TM4SF1: variants seen among roughly 807,000 people sequenced by gnomAD.
TM4SF1 encodes transmembrane 4 L6 family member 1.
TM4SF1 carries 20 observed loss-of-function variants against 24.5 expected under a neutral mutation model. That is an observed-to-expected ratio of 0.82 (90% confidence interval 0.57 to 1.19). The LOEUF is 1.19. Ranked by LOEUF, TM4SF1 falls within the 50% of genes most tolerant of loss-of-function variation. The pLI, the probability that TM4SF1 is intolerant of heterozygous loss-of-function variation, is 0.00. For missense variants in TM4SF1, 258 were observed against 248.1 expected, an observed-to-expected ratio of 1.04 and a Z score of -0.27; for synonymous variants, 107 against 95.4, an observed-to-expected ratio of 1.12 and a Z score of -0.71.
chr3:149,372,819 C>T (rs1294028537), intron 3 of TM4SF1, among the ~76,000 whole-genome samples: 2 of 152,080 alleles, frequency 1.3e-5, no homozygotes, highest in Non-Finnish European at 2.9e-5. Flanking sequence ...ATGCTGTGCC[C>T]AAGAGTTGAT....
intron 3 of TM4SF1, among the ~76,000 whole-genome samples, chr3:149,373,375 C>A (rs1234406949): frequency 2.0e-5 from 3 of 152,180 alleles, no homozygotes; most frequent in African/African-American, 7.2e-5. Context: ...GCCTTTGCTA[C>A]AGAGTATTTG....
rs776515206 is a variant in TM4SF1 at position 149,375,574 on chromosome 3, T to C, written c.282A>G (p.Val94=). The change falls in exon 3 of 5, where the codon GTA becomes GTG. Residue 94 remains valine, a synonymous_variant. Transcript: ENST00000305366. ...CTGCAATTCCAATGAGAGCAGCCAA[T>C]ACAGAAGAAAGCATCTAGGGAAAAG... ...CGKRCAMLSS[V]LAALIGIAGS... is the part of the protein sequence containing the mutation. The C allele has an allele frequency of 1.2e-6, 2 of 1,614,114 alleles. No homozygotes were observed. Among genetic ancestry groups the C allele is most frequent in the South Asian group, 2.2e-5 (2 of 91,074 alleles).
At chr3:149,376,377 A>C (rs1396052383) in intron 1 of TM4SF1, among the ~76,000 whole-genome samples, 6 of 152,228 alleles carry the variant, frequency 3.9e-5, no homozygotes, top group Non-Finnish European at 8.8e-5. Context: ...ATAATGCTTA[A>C]ATTTGAGGCA....
rs751292542 is a variant in TM4SF1 at position 149,371,795 on chromosome 3, CAG to C, written c.484_485del (p.Leu162ValfsTer11). On this transcript the variant is annotated frameshift_variant, in exon 4 of 5. Coordinates refer to ENST00000305366, the MANE Select transcript of TM4SF1 (RefSeq NM_014220.3). LOFTEE classifies it high-confidence loss of function. ...PKHIVEWNVS[L>X]FSILLALGGI... ...CACCAAGAGCCAAGAGGATAGAAAA[CAG>C]AGATACATTCCATTCCACAATGTGC... The C allele has an allele frequency of 6.2e-7, 1 of 1,614,018 alleles. No individual in the cohort carries two copies. The highest frequency in any genetic ancestry group is 2.2e-5 in the East Asian group (1 of 44,892).
Position 149,370,211 on chromosome 3 carries a change from A to G in TM4SF1, c.595-331T>C, listed in dbSNP as rs193146069. 19 of 226,118 alleles carry G rather than the reference A, an allele frequency of 8.4e-5. No homozygotes were observed. In the East Asian group the frequency reaches 2.7e-3, roughly 32 times the overall value. The allele number at this position is 226,118 out of a possible 1,614,324, so 14.0% of individuals were successfully genotyped here. A position where few individuals can be genotyped will look rare whatever the true frequency, so the allele number is the denominator to read the frequency against. ...GGAAGTTTCACACTGGTATGAGCTC[A>G]ATGTGGGTAACCTTTCAAATTAAAT... On this transcript the variant is annotated intron_variant, in intron 4 of 4. Coordinates refer to ENST00000305366, the MANE Select transcript of TM4SF1 (RefSeq NM_014220.3).
intron 3 of TM4SF1, 37 bp from the exon 4 acceptor site, chr3:149,371,904 T>C: frequency 6.3e-7 from 1 of 1,596,992 alleles, no homozygotes; most frequent in Non-Finnish European, 8.6e-7. Flanking sequence ...CACACGGTCA[T>C]ACTTGAGGGG....
intron 3 of TM4SF1, among the ~76,000 whole-genome samples, chr3:149,375,129 C>T (rs552439823): frequency 6.6e-6 from 1 of 152,078 alleles, no homozygotes; most frequent in East Asian, 1.9e-4. Flanking sequence ...TGCTTGAGCT[C>T]AGGAGTTAGA....
chr3:149,369,879 T>G lies in TM4SF1; in HGVS notation c.596A>C (p.Gln199Pro). 1.2e-6 allele frequency: 2 copies of G among 1,603,612 alleles called. No individual in the cohort carries two copies. The highest frequency in any genetic ancestry group is 2.2e-5 in the East Asian group (1 of 44,776). The change falls in exon 5 of 5, where the codon CAA becomes CCA. Residue 199 changes from glutamine to proline, a missense_variant and splice_region_variant. Coordinates refer to ENST00000305366, the MANE Select transcript of TM4SF1 (RefSeq NM_014220.3). ...ICGFCCSHQQQYDC is the reference protein window; with the variant it reads ...ICGFCCSHQQPYDC Reference sequence around the variant, plus strand: ...GGGTTGGTTCTTTTAGCAGTCATATTGCTGTAGAGAAAATAAAATACCATT... The same window carrying G: ...GGGTTGGTTCTTTTAGCAGTCATATGGCTGTAGAGAAAATAAAATACCATT...
chr3:149,374,336 C>T (rs1396926885), intron 3 of TM4SF1, among the ~76,000 whole-genome samples: 1 of 152,164 alleles, frequency 6.6e-6, no homozygotes, highest in African/African-American at 2.4e-5. Context: ...TATATCCTCA[C>T]TACATGCTTT....
chr3:149,377,514 G>A lies in TM4SF1; in HGVS notation c.34C>T (p.His12Tyr). 1 of 1,614,032 alleles carries A rather than the reference G, an allele frequency of 6.2e-7. No homozygotes were observed. The highest frequency in any genetic ancestry group is 1.1e-5 in the South Asian group (1 of 91,068). ...AGGAGGGCGAGCCCCACCAGAGAAT[G>A]TCCGATGCATCGTGCACACTTCCCA... ...CYGKCARCIG[H>Y]SLVGLALLCI... is the part of the protein sequence containing the mutation. Residue 12 changes from histidine (H) to tyrosine (Y), a missense_variant, in exon 1 of 5, where the codon CAT (histidine) becomes TAT (tyrosine). By Grantham distance (83) the His-to-Tyr change is moderately conservative (BLOSUM62 2). Coordinates refer to ENST00000305366, the MANE Select transcript of TM4SF1 (RefSeq NM_014220.3).
chr3:149,375,592 G>A lies in TM4SF1; in HGVS notation c.268-4C>T. 1.2e-6 allele frequency: 2 copies of A among 1,614,192 alleles called. No homozygotes were observed. Among genetic ancestry groups the A allele is most frequent in the Non-Finnish European group, 1.7e-6 (2 of 1,180,028 alleles). ...CAGCCAATACAGAAGAAAGCATCTA[G>A]GGAAAAGCAGACACACAGGAAGTGA... On this transcript the variant is annotated splice_polypyrimidine_tract_variant and splice_region_variant and intron_variant, in intron 2 of 4. Coordinates refer to ENST00000305366, the MANE Select transcript of TM4SF1 (RefSeq NM_014220.3).
rs1372944996 is a variant in TM4SF1 at position 149,372,001 on chromosome 3, T to G, written c.414-134A>C. 9.1e-6 allele frequency: 7 copies of G among 769,806 alleles called. No individual in the cohort carries two copies. In the Admixed American group the frequency reaches 1.4e-4, roughly 15 times the overall value. The allele number at this position is 769,806 out of a possible 1,614,324, so 47.7% of individuals were successfully genotyped here. A position where few individuals can be genotyped will look rare whatever the true frequency, so the allele number is the denominator to read the frequency against. ...AATATCCTGTGTAAGTTTCTTCCAC[T>G]GCATGTCATTCCACAAAATGGAGGA... On this transcript the variant is annotated intron_variant, in intron 3 of 4. Coordinates refer to ENST00000305366, the MANE Select transcript of TM4SF1 (RefSeq NM_014220.3).
Position 149,371,716 on chromosome 3 carries a change from T to C in TM4SF1, c.565A>G (p.Ile189Val), listed in dbSNP as rs746777764. 1 of 1,614,176 alleles carries C rather than the reference T, an allele frequency of 6.2e-7. No individual in the cohort carries two copies. The highest frequency in any genetic ancestry group is 8.5e-7 in the Non-Finnish European group (1 of 1,180,016). The change falls in exon 4 of 5, where the codon ATA (isoleucine) becomes GTA (valine). Residue 189 changes from isoleucine (I) to valine (V), a missense_variant. Ile to Val is a conservative substitution (Grantham distance 29, BLOSUM62 3). Transcript: ENST00000305366. ...IQVINGVLGGICGFCCSHQQQ... is the reference protein window; with the variant it reads ...IQVINGVLGGVCGFCCSHQQQ... ...TGGTGAGAGCAGCAAAAGCCACATA[T>C]GCCTCCAAGCACTCCATTTATTACT...
chr3:149,369,837 G>T lies in TM4SF1; in HGVS notation c.*29C>A, dbSNP rs765733983. 6.2e-7 allele frequency: 1 copy of T among 1,607,234 alleles called. No individual in the cohort carries two copies. The highest frequency in any genetic ancestry group is 8.5e-7 in the Non-Finnish European group (1 of 1,177,900). ...TATAAATTACAATGAAATAGAGGAA[G>T]ATTGTGGCTCTGTCCTGGGTTGGTT... On this transcript the variant is annotated 3_prime_UTR_variant, in exon 5 of 5. Transcript: ENST00000305366.
chr3:149,370,058 A>T (rs1731783945), intron 4 of TM4SF1, 178 bp from the exon 5 acceptor site: 1 of 664,156 alleles, frequency 1.5e-6, no homozygotes, highest in African/African-American at 1.9e-5. Flanking sequence ...AAACAAACCC[A>T]GATCCCTTGT....
chr3:149,374,406 A>G (rs1731900664), intron 3 of TM4SF1, among the ~76,000 whole-genome samples: 1 of 152,214 alleles, frequency 6.6e-6, no homozygotes, highest in Non-Finnish European at 1.5e-5. Context: ...ATTTTTAATC[A>G]TGAATCTCAA....
At chr3:149,373,464 C>A (rs569227231) in intron 3 of TM4SF1, among the ~76,000 whole-genome samples, 1 of 152,244 alleles carries the variant, frequency 6.6e-6, no homozygotes, top group South Asian at 2.1e-4. Flanking sequence ...TGGTATAATT[C>A]TTTTCTTATC....
chr3:149,375,210 G>A (rs1235119075), intron 3 of TM4SF1, among the ~76,000 whole-genome samples: 2 of 150,364 alleles, frequency 1.3e-5, no homozygotes, highest in African/African-American at 4.9e-5. Context: ...GTCTCTGGGG[G>A]AAAAAAAAAG....
chr3:149,372,550 AT>A (rs1431434496), intron 3 of TM4SF1, among the ~76,000 whole-genome samples: 19 of 152,156 alleles, frequency 1.2e-4, no homozygotes, highest in Non-Finnish European at 2.9e-5. Context: ...GAACAAAGCT[AT>A]TTTTTGTTTT....
Sources: allele counts gnomAD v4.1 joint callset (sites outside exome capture counted in the v4.1 genomes callset), GRCh38; gene constraint gnomAD v4.1.1; transcripts MANE v1.5; gene names NCBI Gene and HGNC (gene_info 2026-07-23, HGNC 2026-07-21).